The following RNF111 variants were observed in gnomAD, a reference collection of about 807,000 sequenced individuals.
RNF111 encodes the protein E3 ubiquitin-protein ligase Arkadia.
RNF111 carries 17 observed loss-of-function variants against 95.1 expected under a neutral mutation model. That is an observed-to-expected ratio of 0.18 (90% CI 0.12 to 0.27). RNF111 has a LOEUF of 0.27. Among genes scored for constraint, RNF111 ranks in the 10% least tolerant of loss-of-function variants. RNF111 has a pLI of 1.00. For missense variants in RNF111, 1,189 were observed against 1,210.4 expected, an observed-to-expected ratio of 0.98 and a Z score of 0.26; for synonymous variants, 440 against 414.8, an observed-to-expected ratio of 1.06 and a Z score of -0.74.
intron 2 of RNF111, among the ~76,000 whole-genome samples, chr15:59,032,562 C>T (rs7174057): frequency 1 from 151,758 of 152,284 alleles, 75,617 homozygotes; most frequent in Non-Finnish European, 1. Context: ...GCTGGGACTA[C>T]AGGCCCACAC....
chr15:59,052,319 G>A lies in RNF111; in HGVS notation c.895G>A (p.Asp299Asn). 1.3e-6 allele frequency: 2 copies of A among 1,588,440 alleles called. No individual in the cohort carries two copies. Residue 299 changes from aspartate to asparagine, a missense_variant, in exon 3 of 14, where the codon GAT becomes AAT. Physicochemically the swap from Asp to Asn is conservative, Grantham distance 23 (BLOSUM62 1). Coordinates refer to ENST00000348370, the MANE Select transcript of RNF111 (RefSeq NM_017610.8). ...PAVPSGSIDEDVVVIEASSTP... is the reference protein window; with the variant it reads ...PAVPSGSIDENVVVIEASSTP... ...TTTGTTTCCAGGAAGTATTGATGAA[G>A]ATGTTGTGGTGATAGAAGCTTCCTC...
At chr15:59,022,365 G>A (rs147556854) in intron 1 of RNF111, among the ~76,000 whole-genome samples, 1 of 152,318 alleles carries the variant, frequency 6.6e-6, no homozygotes, top group East Asian at 1.9e-4. Context: ...AAATGTAAGG[G>A]TGGTTCCATC....
intron 2 of RNF111, among the ~76,000 whole-genome samples, chr15:59,035,126 T>G (rs2041110037): frequency 6.6e-6 from 1 of 152,196 alleles, no homozygotes; most frequent in South Asian, 2.1e-4. Context: ...CATCAGACCT[T>G]GTGAGACTTA....
chr15:59,040,536 G>GT (rs1355496107), intron 2 of RNF111, among the ~76,000 whole-genome samples: 2 of 152,070 alleles, frequency 1.3e-5, no homozygotes, highest in African/African-American at 2.4e-5. Flanking sequence ...TAGGATTAGG[G>GT]TTTTTATGTA....
chr15:59,010,616 G>A (rs1402213593), intron 1 of RNF111, among the ~76,000 whole-genome samples: 1 of 152,080 alleles, frequency 6.6e-6, no homozygotes, highest in African/African-American at 2.4e-5. Context: ...TGACCAGGCT[G>A]GTCTTGAACT....
intron 1 of RNF111, among the ~76,000 whole-genome samples, chr15:59,012,743 CTT>C (rs71119428): frequency 7.7e-5 from 11 of 142,836 alleles, no homozygotes; most frequent in Non-Finnish European, 9.2e-5. Context: ...CTCTTTTTTT[CTT>C]TTTTTTTTTT....
chr15:59,063,379 A>G (rs1383939015), intron 5 of RNF111, among the ~76,000 whole-genome samples: 9 of 152,234 alleles, frequency 5.9e-5, no homozygotes. Context: ...TGAATGAGTA[A>G]TTCATGCCTG....
At chr15:58,998,181 G>T (rs1303823220) in intron 1 of RNF111, among the ~76,000 whole-genome samples, 1 of 151,900 alleles carries the variant, frequency 6.6e-6, no homozygotes, top group Non-Finnish European at 1.5e-5. Flanking sequence ...GGGATTACAG[G>T]CATGAGCCAC....
chr15:59,047,279 T>G (rs1325996248), intron 2 of RNF111, among the ~76,000 whole-genome samples: 3 of 152,168 alleles, frequency 2.0e-5, no homozygotes, highest in African/African-American at 7.2e-5. Flanking sequence ...GAAGATCACT[T>G]GAGCTCAGGA....
At chr15:59,021,891 T>A (rs1339768886) in intron 1 of RNF111, among the ~76,000 whole-genome samples, 11 of 152,134 alleles carry the variant, frequency 7.2e-5, no homozygotes, top group African/African-American at 2.7e-4. Flanking sequence ...AGTCAGAGTT[T>A]GCTCTGTCAC....
chr15:59,060,801 A>ATT (rs1231042655), intron 5 of RNF111, among the ~76,000 whole-genome samples: 1 of 147,832 alleles, frequency 6.8e-6, no homozygotes, highest in African/African-American at 2.5e-5. Flanking sequence ...TATTATTATT[A>ATT]TTATTATTTT....
In RNF111 at chr15:59,066,817, A is replaced by G. The variant is rs146626092; in HGVS notation, c.1420A>G (p.Met474Val). ...SAVTETGPPA[M>V]PRLPSCCPQH... is the part of the protein sequence containing the mutation. ...TGTAACGGAAACTGGCCCTCCTGCA[A>G]TGCCAAGGTTACCTTCCTGCTGTCC... Residue 474 changes from methionine (M) to valine (V), a missense_variant, in exon 6 of 14, where the codon ATG (methionine) becomes GTG (valine). By Grantham distance (21) the Met-to-Val change is conservative. Around this residue, in one of 2 missense-constraint regions of RNF111, gnomAD observed 1,024 missense variants for 925.9 expected, o/e 1.11. Coordinates refer to ENST00000348370, the MANE Select transcript of RNF111 (RefSeq NM_017610.8). 3.7e-6 allele frequency: 6 copies of G among 1,613,920 alleles called. No homozygotes were observed. The highest frequency in any genetic ancestry group is 2.2e-5 in the South Asian group (2 of 91,078).
rs141846501 is a variant in RNF111, at chr15:59,056,729, A to C, written c.1171+884A>C. On this transcript the variant is annotated intron_variant, in intron 4 of 13. Transcript: ENST00000348370. Reference sequence around the variant, plus strand: ...AACAACTGTTTGCATTTCATTCAACAATCTCTTGGTTTTTGTTTTGAAGCA... The same window carrying C: ...AACAACTGTTTGCATTTCATTCAACCATCTCTTGGTTTTTGTTTTGAAGCA... Among the ~76,000 whole-genome samples the C allele has an allele frequency of 3.6e-3, 553 of 152,298 alleles. 18 individuals carry two copies. The highest frequency in any genetic ancestry group is 1.5e-3 in the East Asian group (8 of 5,184).
chr15:59,004,664 AG>A (rs1420399882), intron 1 of RNF111, among the ~76,000 whole-genome samples: 1 of 152,220 alleles, frequency 6.6e-6, no homozygotes, highest in African/African-American at 2.4e-5. Flanking sequence ...TACTGATCCA[AG>A]GAAAGCAAAA....
At chr15:59,090,677 T>C (rs996805829) in intron 11 of RNF111, among the ~76,000 whole-genome samples, 3 of 152,336 alleles carry the variant, frequency 2.0e-5, no homozygotes, top group Admixed American at 2.0e-4. Context: ...TGTGATAATA[T>C]TGTTGTAATT....
At chr15:59,028,366 T>C (rs2040729688) in intron 1 of RNF111, among the ~76,000 whole-genome samples, 1 of 152,172 alleles carries the variant, frequency 6.6e-6, no homozygotes, top group Non-Finnish European at 1.5e-5. Flanking sequence ...AGTGGATGCC[T>C]GAAACCATAT....
At chr15:59,019,105 A>ATTTTTTTTTTTTTTTT (rs35154303) in intron 1 of RNF111, among the ~76,000 whole-genome samples, 2 of 121,286 alleles carry the variant, frequency 1.6e-5, no homozygotes, top group African/African-American at 3.1e-5. Context: ...GTATTTTTGT[A>ATTTTTTTTTTTTTTTT]TTTTTTTTTT....
intron 1 of RNF111, among the ~76,000 whole-genome samples, chr15:59,016,368 C>T (rs1485835771): frequency 2.0e-5 from 3 of 151,964 alleles, no homozygotes; most frequent in South Asian, 4.1e-4. Flanking sequence ...TGGGGTTTCA[C>T]CATGTTGGCC....
At chr15:59,057,336 G>A (rs2042239484) in intron 4 of RNF111, among the ~76,000 whole-genome samples, 1 of 152,116 alleles carries the variant, frequency 6.6e-6, no homozygotes, top group Non-Finnish European at 1.5e-5. Context: ...TTATGTACAA[G>A]CAATTTGCAT....
Sources: gnomAD v4.1 joint callset for allele counts (sites outside exome capture counted in the v4.1 genomes callset) on GRCh38, gnomAD v4.1.1 for gene constraint, gnomAD v4.1.1 regional missense constraint, MANE v1.5 for transcripts, NCBI Gene and HGNC (gene_info 2026-07-23, HGNC 2026-07-21) for gene names.